Variants in SMG6 observed in about 807,000 individuals in gnomAD.
SMG6 encodes SMG6 nonsense mediated mRNA decay factor, also known as telomerase-binding protein EST1A.
Under a neutral mutation model 142.2 loss-of-function variants are expected in SMG6, and 66 were observed. That is an observed-to-expected ratio of 0.46 (90% confidence interval 0.38 to 0.57). The LOEUF (loss-of-function observed/expected upper bound fraction) is 0.57, where lower values mean the gene tolerates loss of function less well. Among genes scored for constraint, SMG6 ranks in the 20% least tolerant of loss-of-function variants. The pLI is 0.00. For synonymous variants in SMG6, 779 were observed against 702.4 expected (o/e 1.11, Z -1.72); for missense variants, 1,793 against 1,832.0 (o/e 0.98, Z 0.39).
At chr17:2,260,329 C>G (rs934700139) in intron 8 of SMG6, among the ~76,000 whole-genome samples, 2 of 152,180 alleles carry the variant, frequency 1.3e-5, no homozygotes, top group African/African-American at 2.4e-5. Context: ...ACTTTCCCCC[C>G]CCACAGCCAG....
At chr17:2,118,897 CTTT>C (rs57747544) in intron 13 of SMG6, among the ~76,000 whole-genome samples, 53 of 129,156 alleles carry the variant, frequency 4.1e-4, no homozygotes, top group Non-Finnish European at 4.3e-4. Context: ...CTCAATGTAG[CTTT>C]TTTTTTTTTT....
In SMG6 at chr17:2,277,157, ATTTATT is replaced by A. The variant is rs1285370438; in HGVS notation, c.2661+5484_2661+5489del. On this transcript the variant is annotated intron_variant, in intron 8 of 18. Transcript: ENST00000263073. ...CATTTATTTATTTATTTATTTATTTATTTATTTATTTTTTATTTTTTTTTTTTTTGA... is the reference window on the plus strand; with the variant it reads ...CATTTATTTATTTATTTATTTATTTATATTTTTTATTTTTTTTTTTTTTGA... Among the ~76,000 whole-genome samples the A allele has an allele frequency of 1.3e-3, 130 of 97,074 alleles. 1 individual carries two copies. Among genetic ancestry groups the A allele is most frequent in the Non-Finnish European group, 2.4e-3 (116 of 47,502 alleles). The allele number at this position is 97,074 out of a possible 152,430, so 63.7% of individuals were successfully genotyped here. A position where few individuals can be genotyped will look rare whatever the true frequency, so the allele number is the denominator to read the frequency against.
At chr17:2,077,005 G>C (rs2068278206) in intron 15 of SMG6, among the ~76,000 whole-genome samples, 1 of 152,210 alleles carries the variant, frequency 6.6e-6, no homozygotes, top group South Asian at 2.1e-4. Context: ...TCGCTGGAGA[G>C]GCAAAGCTAA....
chr17:2,279,407 C>A (rs780135783), intron 8 of SMG6, among the ~76,000 whole-genome samples: 1 of 152,122 alleles, frequency 6.6e-6, no homozygotes, highest in Non-Finnish European at 1.5e-5. Flanking sequence ...GATTTTAGAC[C>A]TGATTGTAAG....
rs567053683 is a variant in SMG6 at position 2,150,370 on chromosome 17, G to A, written c.3357+22288C>T. Among the ~76,000 whole-genome samples, 140 of 152,292 alleles carry A rather than the reference G, an allele frequency of 9.2e-4. 1 individual carries two copies. Among genetic ancestry groups the A allele is most frequent in the South Asian group, 6.6e-3 (32 of 4,818 alleles). On this transcript the variant is annotated intron_variant, in intron 13 of 18. Transcript: ENST00000263073. ...GGTGCCAAAAAGGTTGGGGACCACCGGTCTAGAGTATCAAGGGCCCAATAC... is the reference window on the plus strand; with the variant it reads ...GGTGCCAAAAAGGTTGGGGACCACCAGTCTAGAGTATCAAGGGCCCAATAC...
chr17:2,112,544 TAAA>T (rs2069368435), intron 13 of SMG6, among the ~76,000 whole-genome samples: 1 of 147,426 alleles, frequency 6.8e-6, no homozygotes, highest in African/African-American at 2.5e-5. Context: ...AATAAATAAA[TAAA>T]TAAATAAATA....
chr17:2,075,278 A>G (rs2068226110), intron 15 of SMG6, among the ~76,000 whole-genome samples: 1 of 133,794 alleles, frequency 7.5e-6, no homozygotes, highest in Non-Finnish European at 1.6e-5. Flanking sequence ...TCCTGGGGCC[A>G]CCACAAAGGA....
intron 13 of SMG6, among the ~76,000 whole-genome samples, chr17:2,091,569 A>G (rs1050464628): frequency 2.7e-5 from 4 of 150,096 alleles, no homozygotes; most frequent in Non-Finnish European, 4.5e-5. Flanking sequence ...CATACTGTCC[A>G]AGGGATCAAT....
chr17:2,151,398 G>A (rs957302364), intron 13 of SMG6, among the ~76,000 whole-genome samples: 1 of 152,200 alleles, frequency 6.6e-6, no homozygotes, highest in Non-Finnish European at 1.5e-5. Flanking sequence ...ACAAGTTGCT[G>A]TTTGCTTACA....
intron 8 of SMG6, chr17:2,265,844 G>A: frequency 3.8e-6 from 1 of 262,216 alleles, no homozygotes; most frequent in Non-Finnish European, 5.9e-6. Context: ...TTAAAATAAA[G>A]TGTGATGGAG....
intron 4 of SMG6, 130 bp from the exon 5 acceptor site, chr17:2,293,107 T>C (rs1163356337): frequency 6.0e-6 from 4 of 667,142 alleles, no homozygotes; most frequent in Non-Finnish European, 1.1e-5. Flanking sequence ...AAGTATAAAG[T>C]TTTTAGCCTA....
At chr17:2,120,750 A>G (rs2069663393) in intron 13 of SMG6, among the ~76,000 whole-genome samples, 1 of 152,192 alleles carries the variant, frequency 6.6e-6, no homozygotes, top group Admixed American at 6.5e-5. Flanking sequence ...CAACTTCATT[A>G]GTCATCAGGG....
chr17:2,282,149 ATCT>A, intron 8 of SMG6, among the ~76,000 whole-genome samples: 1 of 152,188 alleles, frequency 6.6e-6, no homozygotes, highest in East Asian at 1.9e-4. Flanking sequence ...AAGAGGAGAA[ATCT>A]TCTAAACAAG....
At position 2,299,846 on chromosome 17, in the gene SMG6, A is replaced by T; in HGVS notation, c.907T>A (p.Ser303Thr). 4 of 1,614,098 alleles carry T rather than the reference A, an allele frequency of 2.5e-6. No homozygotes were observed. Among genetic ancestry groups the T allele is most frequent in the Non-Finnish European group, 3.4e-6 (4 of 1,179,958 alleles). The change falls in exon 2 of 19, where the codon TCC (serine) becomes ACC (threonine). Residue 303 changes from serine to threonine, a missense_variant. Around this residue, in one of 3 missense-constraint regions of SMG6, gnomAD observed 1,597 missense variants for 1,584.6 expected, o/e 1.01. Coordinates refer to ENST00000263073, the MANE Select transcript of SMG6 (RefSeq NM_017575.5). This position sits in a 1 kb window ranked among gnomAD's most constrained non-coding sequence, Gnocchi z 4.3. ...TCATCAATTCTGTCCTCGTCTAAGG[A>T]ATCGGTTGAGGACACAGACACTTGC... The part of the protein sequence containing the change: ...KKQVSVSSTD[S>T]LDEDRIDEPD...
At chr17:2,156,659 CT>C (rs2071016985) in intron 13 of SMG6, among the ~76,000 whole-genome samples, 2 of 151,476 alleles carry the variant, frequency 1.3e-5, no homozygotes, top group South Asian at 4.2e-4. Context: ...TTTTTTTTTG[CT>C]TGTTTGTTTT....
intron 8 of SMG6, among the ~76,000 whole-genome samples, chr17:2,263,751 T>C (rs1040559759): frequency 3.9e-5 from 6 of 152,126 alleles, no homozygotes; most frequent in South Asian, 2.1e-4. Context: ...AACCTGGAGT[T>C]TCCCCCTGGA....
Position 2,071,784 on chromosome 17 carries a change from A to C in SMG6, c.3682-2853T>G, listed in dbSNP as rs1035982976. The stretch of plus-strand genomic sequence containing the variant: ...GTCACAAGACTGGCTCAGTCCCCTT[A>C]AAAAGAGTGGCAGGCGGAGGAGGGC... On this transcript the variant is annotated intron_variant, in intron 15 of 18. Transcript: ENST00000263073. The surrounding 1 kb of genome is among the most constrained non-coding windows in gnomAD (Gnocchi z 5.6). 6.6e-6 allele frequency: 1 copy of C among 152,222 alleles called. No individual in the cohort carries two copies. The highest frequency in any genetic ancestry group is 2.4e-5 in the African/African-American group (1 of 41,414). 9.4% of individuals were successfully genotyped at this position (152,222 alleles called of 1,614,324 possible).
intron 13 of SMG6, among the ~76,000 whole-genome samples, chr17:2,163,522 T>C (rs578112415): frequency 1.3e-5 from 2 of 152,330 alleles, no homozygotes; most frequent in South Asian, 4.1e-4. Context: ...AGATATGGGA[T>C]TGATTTTTGT....
intron 13 of SMG6, among the ~76,000 whole-genome samples, chr17:2,169,608 G>A (rs1280369285): frequency 6.6e-6 from 1 of 152,160 alleles, no homozygotes. Context: ...CCTGAGGCAT[G>A]AGCGCTTGGT....
Sources: gnomAD v4.1 joint callset for allele counts (sites outside exome capture counted in the v4.1 genomes callset) on GRCh38, gnomAD v4.1.1 for gene constraint, gnomAD v4.1.1 regional missense constraint, Gnocchi (gnomAD v3.1) non-coding constraint, MANE v1.5 for transcripts, NCBI Gene and HGNC (gene_info 2026-07-23, HGNC 2026-07-21) for gene names.